Variants in ATP10B observed in about 807,000 individuals in gnomAD.
ATP10B encodes the protein ATPase phospholipid transporting 10B (putative).
In ATP10B, 122 loss-of-function variants were observed where a neutral mutation model predicts 141.2. The observed-to-expected ratio is 0.86, with a 90% CI of 0.75 to 1.00. The LOEUF (loss-of-function observed/expected upper bound fraction) is 1.00. ATP10B is among the 50% of genes least tolerant of loss of function. The pLI is 0.00. For missense variants in ATP10B, 1,876 were observed against 1,825.3 expected, an observed-to-expected ratio of 1.03 and a Z score of -0.51; for synonymous variants, 685 against 692.0, an observed-to-expected ratio of 0.99 and a Z score of 0.16.
intron 21 of ATP10B, among the ~76,000 whole-genome samples, chr5:160,601,629 GT>G (rs1205089608): frequency 3.9e-5 from 6 of 152,122 alleles, no homozygotes; most frequent in African/African-American, 1.4e-4. Flanking sequence ...ACAACTTATT[GT>G]TTGTATTTTT....
chr5:160,919,223 C>CAAAAAAAAAAA, the ATP10B span, among the ~76,000 whole-genome samples: 632 of 26,918 alleles, frequency 0.023, 101 homozygotes, highest in African/African-American at 0.042. Context: ...AACTCCGTCT[C>CAAAAAAAAAAA]AAAAAAAAAA....
intron 2 of ATP10B, among the ~76,000 whole-genome samples, chr5:160,737,329 T>A (rs1472888237): frequency 6.6e-6 from 1 of 152,180 alleles, no homozygotes; most frequent in Non-Finnish European, 1.5e-5. Flanking sequence ...AAGCCTTTTC[T>A]CCAAGATCTG....
At chr5:160,755,898 TG>T (rs1768566984) in intron 2 of ATP10B, among the ~76,000 whole-genome samples, 2 of 140,118 alleles carry the variant, frequency 1.4e-5, no homozygotes, top group South Asian at 4.6e-4. Context: ...ATGGAACCAC[TG>T]TCATATATGT....
intron 1 of ATP10B, among the ~76,000 whole-genome samples, chr5:160,832,546 T>G (rs995245316): frequency 1.3e-5 from 2 of 152,124 alleles, no homozygotes; most frequent in African/African-American, 4.8e-5. Context: ...TGTGTGAATG[T>G]GTACACACTT....
the ATP10B span, among the ~76,000 whole-genome samples, chr5:160,896,877 G>C: frequency 1.3e-5 from 2 of 152,142 alleles, no homozygotes; most frequent in Non-Finnish European, 2.9e-5. Context: ...GGGATGCAAG[G>C]CTGGTTCAAC....
the ATP10B span, among the ~76,000 whole-genome samples, chr5:160,880,796 A>G: frequency 6.6e-6 from 1 of 152,234 alleles, no homozygotes; most frequent in African/African-American, 2.4e-5. Context: ...TTAAATCAAA[A>G]TGGATTAGAG....
intron 2 of ATP10B, among the ~76,000 whole-genome samples, chr5:160,784,458 C>T (rs1427203055): frequency 1.3e-5 from 2 of 152,134 alleles, no homozygotes; most frequent in East Asian, 1.9e-4. Context: ...TTGGTATCTG[C>T]GGAGTTATGC....
the ATP10B span, among the ~76,000 whole-genome samples, chr5:160,877,736 C>A: frequency 8.1e-6 from 1 of 123,572 alleles, no homozygotes; most frequent in Non-Finnish European, 1.8e-5. Flanking sequence ...TCTTATACAC[C>A]AATAACAGAC....
chr5:160,728,190 C>T (rs549418791), intron 2 of ATP10B, among the ~76,000 whole-genome samples: 3 of 152,096 alleles, frequency 2.0e-5, no homozygotes, highest in African/African-American at 7.2e-5. Context: ...TGTAACCATT[C>T]ACCTTACTGC....
At chr5:160,666,393 C>T (rs1762318479) in intron 7 of ATP10B, among the ~76,000 whole-genome samples, 1 of 152,128 alleles carries the variant, frequency 6.6e-6, no homozygotes, top group Non-Finnish European at 1.5e-5. Flanking sequence ...TGCAGCAAAT[C>T]CCTTAGTGGT....
In ATP10B at chr5:160,591,131, G is replaced by T. The variant is rs1396314361; in HGVS notation, c.3573C>A (p.Asn1191Lys). ...YKSGQNSECY[N>K]LSTFWISMVD... is the part of the protein sequence containing the mutation. ...CCATAGAAATCCAGAAAGTCGACAGGTTATAGCACTGCCAGGAGAGAACAC... is the reference window on the plus strand; with the variant it reads ...CCATAGAAATCCAGAAAGTCGACAGTTTATAGCACTGCCAGGAGAGAACAC... Residue 1191 changes from asparagine to lysine, a missense_variant, in exon 23 of 26, where the codon AAC becomes AAA. Coordinates refer to ENST00000327245, the MANE Select transcript of ATP10B (RefSeq NM_025153.3). The T allele has an allele frequency of 1.2e-6, 2 of 1,613,654 alleles. No homozygotes were observed. The highest frequency in any genetic ancestry group is 1.1e-5 in the South Asian group (1 of 91,048).
At chr5:160,702,062 C>T (rs1372417211) in intron 3 of ATP10B, among the ~76,000 whole-genome samples, 1 of 152,180 alleles carries the variant, frequency 6.6e-6, no homozygotes, top group Non-Finnish European at 1.5e-5. Context: ...GAGCACTTAC[C>T]CCTCTACCCT....
the ATP10B span, among the ~76,000 whole-genome samples, chr5:160,911,596 C>T: frequency 6.6e-6 from 1 of 152,148 alleles, no homozygotes; most frequent in African/African-American, 2.4e-5. Flanking sequence ...TGAAACTTTA[C>T]CCCAAGCATG....
intron 1 of ATP10B, among the ~76,000 whole-genome samples, chr5:160,801,179 C>G (rs1035995351): frequency 6.6e-6 from 1 of 152,158 alleles, no homozygotes; most frequent in Admixed American, 6.5e-5. Context: ...GATTCTCTGT[C>G]CACGAAGCTT....
chr5:160,920,339 T>G, the ATP10B span, among the ~76,000 whole-genome samples: 2 of 152,204 alleles, frequency 1.3e-5, no homozygotes, highest in Non-Finnish European at 2.9e-5. Context: ...CATGTTTTGG[T>G]GTAGAGTGAA....
At chr5:160,878,642 A>G in the ATP10B span, among the ~76,000 whole-genome samples, 2 of 152,194 alleles carry the variant, frequency 1.3e-5, no homozygotes, top group Non-Finnish European at 2.9e-5. Context: ...CTCATCTGAC[A>G]AAGGGCTAAT....
At chr5:160,907,990 A>T in the ATP10B span, among the ~76,000 whole-genome samples, 1 of 152,142 alleles carries the variant, frequency 6.6e-6, no homozygotes, top group Non-Finnish European at 1.5e-5. Flanking sequence ...TACAGGTTGG[A>T]TGATGGTCTC....
At chr5:160,812,425 A>G (rs1252741042) in intron 1 of ATP10B, among the ~76,000 whole-genome samples, 2 of 152,338 alleles carry the variant, frequency 1.3e-5, no homozygotes, top group Non-Finnish European at 2.9e-5. Context: ...CCAGGGACCA[A>G]TCCTGGAGAA....
chr5:160,830,647 T>C (rs1185384388), intron 1 of ATP10B, among the ~76,000 whole-genome samples: 1 of 152,050 alleles, frequency 6.6e-6, no homozygotes, highest in Non-Finnish European at 1.5e-5. Context: ...CAAATTTTTA[T>C]GTATGAAACT....
Sources: gnomAD v4.1 joint callset for allele counts (sites outside exome capture counted in the v4.1 genomes callset) on GRCh38, gnomAD v4.1.1 for gene constraint, MANE v1.5 for transcripts, NCBI Gene and HGNC (gene_info 2026-07-23, HGNC 2026-07-21) for gene names.